The following LRATD1 variants were observed in gnomAD, a reference collection of about 807,000 sequenced individuals.
The protein encoded by LRATD1 is LRAT domain containing 1.
LRATD1 carries 8 observed loss-of-function variants against 21.3 expected under a neutral mutation model. That is an observed-to-expected ratio of 0.38 (90% CI 0.22 to 0.68). The LOEUF (loss-of-function observed/expected upper bound fraction) is 0.68, where lower values mean the gene tolerates loss of function less well. Among genes scored for constraint, LRATD1 ranks in the 30% least tolerant of loss-of-function variants. The pLI is 0.54. For synonymous variants in LRATD1, 210 were observed against 186.2 expected, an observed-to-expected ratio of 1.13 and a Z score of -1.04; for missense variants, 380 against 404.0, an observed-to-expected ratio of 0.94 and a Z score of 0.51.
intron 3 of LRATD1, chr2:14,646,331 G>A (rs1001662724): frequency 6.6e-6 from 1 of 152,116 alleles, no homozygotes; most frequent in African/African-American, 2.4e-5. Context: ...AAAGTCTCAA[G>A]TACATGTCCA....
intron 4 of LRATD1, chr2:14,649,175 G>A: frequency 2.3e-6 from 1 of 429,548 alleles, no homozygotes; most frequent in Non-Finnish European, 4.7e-6. Context: ...CACTCCTCTA[G>A]AGCATGAGCA....
chr2:14,634,914 C>A lies in LRATD1; in HGVS notation c.*56C>A. The A allele has an allele frequency of 6.5e-7, 1 of 1,544,520 alleles. No individual in the cohort carries two copies. Among genetic ancestry groups the A allele is most frequent in the Non-Finnish European group, 8.8e-7 (1 of 1,142,600 alleles). On this transcript the variant is annotated 3_prime_UTR_variant, in exon 2 of 2. Coordinates refer to ENST00000295092, the MANE Select transcript of LRATD1 (RefSeq NM_145175.4). Reference sequence around the variant, plus strand: ...CCCCGCACCTCGCTCCCTTCCCTTCCCCGCACCCGGACTTCGCAGTCAGCG... The same window carrying A: ...CCCCGCACCTCGCTCCCTTCCCTTCACCGCACCCGGACTTCGCAGTCAGCG...
downstream of LRATD1, among the ~76,000 whole-genome samples, chr2:14,651,767 T>C (rs777769218): frequency 3.9e-5 from 6 of 152,032 alleles, no homozygotes; most frequent in Non-Finnish European, 8.8e-5. Context: ...TAAATATTAA[T>C]AATGTATTTT....
chr2:14,634,778 C>T lies in LRATD1; in HGVS notation c.799C>T (p.Arg267Cys), dbSNP rs576744264. The T allele has an allele frequency of 6.3e-7, 1 of 1,598,476 alleles. No homozygotes were observed. The highest frequency in any genetic ancestry group is 1.1e-5 in the South Asian group (1 of 89,004). ...ARFHSLEDLI[R>C]EKRRIDASGR... ...GTTTCACAGCCTGGAAGACCTCATC[C>T]GCGAGAAGCGCCGTATCGACGCCAG... The change falls in exon 2 of 2, where the codon CGC becomes TGC. Residue 267 changes from arginine to cysteine, a missense_variant. Coordinates refer to ENST00000295092, the MANE Select transcript of LRATD1 (RefSeq NM_145175.4).
chr2:14,650,360 A>C (rs915184988), downstream of LRATD1: 4 of 152,156 alleles, frequency 2.6e-5, no homozygotes, highest in African/African-American at 9.7e-5. Flanking sequence ...ACAGCTCATA[A>C]TTGGTTGTAT....
At chr2:14,650,747 T>A (rs1351305679), downstream of LRATD1, 1 of 152,214 alleles carries the variant, frequency 6.6e-6, no homozygotes, top group African/African-American at 2.4e-5. Flanking sequence ...GTATTTATTG[T>A]TAAATATTTG....
rs557950584 is a variant in LRATD1, at chr2:14,637,759, G to C, written c.*2901G>C. On this transcript the variant is annotated 3_prime_UTR_variant, in exon 2 of 2. Coordinates refer to ENST00000295092, the MANE Select transcript of LRATD1 (RefSeq NM_145175.4). ...TTAACAATGCGAGTGAAACCAAGAT[G>C]GTGCAAGTTCCCTTTGCAGATGGCG... 24 of 167,102 alleles carry C rather than the reference G, an allele frequency of 1.4e-4. No homozygotes were observed. The highest frequency in any genetic ancestry group is 5.5e-4 in the African/African-American group (23 of 41,544). The allele number at this position is 167,102 out of a possible 1,614,324, so 10.4% of individuals were successfully genotyped here. A position where few individuals can be genotyped will look rare whatever the true frequency, so the allele number is the denominator to read the frequency against.
chr2:14,633,910 C>T lies in LRATD1; in HGVS notation c.-36-34C>T. ...GACACCGAAAGGGGCAGCCCGGACTCTGACGGTGTCTCTGCCTCTCTGTGC... is the reference window on the plus strand; with the variant it reads ...GACACCGAAAGGGGCAGCCCGGACTTTGACGGTGTCTCTGCCTCTCTGTGC... On this transcript the variant is annotated intron_variant, in intron 1 of 1. Transcript: ENST00000295092. This position sits in a 1 kb window ranked among gnomAD's most constrained non-coding sequence, Gnocchi z 7.5. The T allele has an allele frequency of 6.5e-7, 1 of 1,536,490 alleles. No homozygotes were observed. Among genetic ancestry groups the T allele is most frequent in the Non-Finnish European group, 8.8e-7 (1 of 1,136,032 alleles).
At chr2:14,642,031 C>G (rs372827296), downstream of LRATD1, 1 of 152,128 alleles carries the variant, frequency 6.6e-6, no homozygotes, top group Non-Finnish European at 1.5e-5. Context: ...CTAACACTTG[C>G]AGTAGGTGCT....
chr2:14,640,068 GAAAGGGAAAAGC>G (rs1365354404), downstream of LRATD1: 1 of 167,084 alleles, frequency 6.0e-6, no homozygotes, highest in African/African-American at 2.4e-5. Flanking sequence ...CATTTGGTCA[GAAAGGGAAAAGC>G]GAAGGGAAAA....
chr2:14,644,970 A>C (rs1259661665), downstream of LRATD1, among the ~76,000 whole-genome samples: 1 of 152,218 alleles, frequency 6.6e-6, no homozygotes, highest in Non-Finnish European at 1.5e-5. Context: ...AACTCTAAAA[A>C]AATGGTATTG....
At chr2:14,643,635 A>G (rs11894931), downstream of LRATD1, among the ~76,000 whole-genome samples, 4,449 of 152,300 alleles carry the variant, frequency 0.029, 226 homozygotes, top group African/African-American at 0.098. Context: ...CTCCTCATCC[A>G]GAGTCCTGGT....
Position 14,633,293 on chromosome 2 carries a change from G to T in LRATD1, c.-37+356G>T, listed in dbSNP as rs1191991086. 6.6e-6 allele frequency among the ~76,000 whole-genome samples: 1 copy of T among 152,186 alleles called. No individual in the cohort carries two copies. The highest frequency in any genetic ancestry group is 2.4e-5 in the African/African-American group (1 of 41,450). On this transcript the variant is annotated intron_variant, in intron 1 of 1. Transcript: ENST00000295092. This position sits in a 1 kb window ranked among gnomAD's most constrained non-coding sequence, Gnocchi z 7.5. The stretch of plus-strand genomic sequence containing the variant: ...CGTGCAAGCGTGGAGCTGAAATTGT[G>T]TACGAATGTGTGGGGTCTAAGTGTG...
Position 14,637,861 on chromosome 2 carries a change from G to T in LRATD1, c.*3003G>T, listed in dbSNP as rs995567789. ...CAGAGTTACAGCAATTACCTGAAAA[G>T]TTTCCTAACATTTTAATAATGTTAG... On this transcript the variant is annotated 3_prime_UTR_variant, in exon 2 of 2. Transcript: ENST00000295092. The T allele has an allele frequency of 3.6e-5, 6 of 166,934 alleles. No individual in the cohort carries two copies. Among genetic ancestry groups the T allele is most frequent in the African/African-American group, 1.4e-4 (6 of 41,394 alleles). 10.3% of individuals were successfully genotyped at this position (166,934 alleles called of 1,614,324 possible).
At position 14,647,087 on chromosome 2, in the gene LRATD1, G is replaced by A. The variant is rs1671909104; in HGVS notation, n.436+622G>A. ...TCTATCCCTCAGCCTTTTAACAGGA[G>A]ACTATGAACCCTAACTCACAATGTT... On this transcript the variant is annotated intron_variant and non_coding_transcript_variant, in intron 4 of 5. Coordinates refer to the LRATD1 transcript ENST00000464947. 2.0e-5 allele frequency among the ~76,000 whole-genome samples: 3 copies of A among 152,194 alleles called. No homozygotes were observed. The South Asian group carries it at 6.2e-4, about 31-fold the overall frequency.
chr2:14,648,192 T>C (rs747261631), intron 4 of LRATD1, among the ~76,000 whole-genome samples: 38 of 152,334 alleles, frequency 2.5e-4, no homozygotes, highest in Non-Finnish European at 4.4e-4. Flanking sequence ...TCCCTCAGTC[T>C]GTAGAGGCAT....
In LRATD1 at chr2:14,635,362, C is replaced by T. The variant is rs558195402; in HGVS notation, c.*504C>T. ...ATGCGTCCCCAGATCGCAGGATTTC[C>T]AAGAAATCGAGCCTGTCCCTTGTGC... On this transcript the variant is annotated 3_prime_UTR_variant, in exon 2 of 2. Coordinates refer to ENST00000295092, the MANE Select transcript of LRATD1 (RefSeq NM_145175.4). 2.5e-5 allele frequency: 12 copies of T among 474,744 alleles called. No homozygotes were observed. Among genetic ancestry groups the T allele is most frequent in the Admixed American group, 1.6e-4 (7 of 42,654 alleles). 29.4% of individuals were successfully genotyped at this position (474,744 alleles called of 1,614,324 possible). A position where few individuals can be genotyped will look rare whatever the true frequency, so the allele number is the denominator to read the frequency against.
Position 14,634,678 on chromosome 2 carries a change from G to C in LRATD1, c.699G>C (p.Pro233=), listed in dbSNP as rs1005075292. ...AGTTCAAGGCGGGAGGGGAGGTGCC[G>C]GCAGGCACGCAGCCCCCGCAGCAGC... is the stretch of plus-strand genomic sequence containing the variant. The part of the protein sequence containing the change: ...KREFKAGGEV[P]AGTQPPQQQY... The change falls in exon 2 of 2, where the codon CCG becomes CCC. Residue 233 remains proline, a synonymous_variant. Coordinates refer to ENST00000295092, the MANE Select transcript of LRATD1 (RefSeq NM_145175.4). 3.2e-5 allele frequency: 49 copies of C among 1,549,892 alleles called. No homozygotes were observed. Among genetic ancestry groups the C allele is most frequent in the Non-Finnish European group, 4.2e-5 (48 of 1,146,928 alleles).
rs1198253991 is a variant in LRATD1, at chr2:14,635,160, A to G, written c.*302A>G. 8 of 664,608 alleles carry G rather than the reference A, an allele frequency of 1.2e-5. No homozygotes were observed. The highest frequency in any genetic ancestry group is 2.1e-5 in the Admixed American group (1 of 48,108). The allele number at this position is 664,608 out of a possible 1,614,324, so 41.2% of individuals were successfully genotyped here. ...CTTGAGATGTAAACCGGGAACGGGGAAGGGGCTGAGGGGAGAAAGGACATG... is the reference window on the plus strand; with the variant it reads ...CTTGAGATGTAAACCGGGAACGGGGGAGGGGCTGAGGGGAGAAAGGACATG... On this transcript the variant is annotated 3_prime_UTR_variant, in exon 2 of 2. Transcript: ENST00000295092.
Sources: gnomAD v4.1 joint callset for allele counts (sites outside exome capture counted in the v4.1 genomes callset) on GRCh38, gnomAD v4.1.1 for gene constraint, Gnocchi (gnomAD v3.1) non-coding constraint, MANE v1.5 for transcripts, NCBI Gene and HGNC (gene_info 2026-07-23, HGNC 2026-07-21) for gene names.